The following EPB41L5 variants were observed in gnomAD, a reference collection of about 807,000 sequenced individuals.
The protein encoded by EPB41L5 is band 4.1-like protein 5.
In EPB41L5, 55 loss-of-function variants were observed where a neutral mutation model predicts 106.6. The observed-to-expected ratio is 0.52, with a 90% CI of 0.42 to 0.65. The LOEUF is 0.65. Ranked by LOEUF, EPB41L5 falls within the 30% of genes least tolerant of loss-of-function variation. EPB41L5 has a pLI of 0.00. For missense variants in EPB41L5, 871 were observed against 882.1 expected (o/e 0.99, Z 0.16); for synonymous variants, 297 against 306.7 (o/e 0.97, Z 0.33).
At chr2:120,142,239 C>G (rs1686207574) in intron 18 of EPB41L5, among the ~76,000 whole-genome samples, 1 of 151,674 alleles carries the variant, frequency 6.6e-6, no homozygotes, top group African/African-American at 2.4e-5. Context: ...CTTCATTATC[C>G]CCTTCCAGAC....
intron 24 of EPB41L5, among the ~76,000 whole-genome samples, chr2:120,171,516 C>T (rs1159096175): frequency 3.9e-5 from 6 of 152,212 alleles, no homozygotes; most frequent in Non-Finnish European, 5.9e-5. Context: ...AGACTGAACA[C>T]GGGAAGACTA....
chr2:120,164,794 T>C (rs199662386), intron 21 of EPB41L5, 42 bp from the exon 22 acceptor site: 19 of 1,422,808 alleles, frequency 1.3e-5, no homozygotes, highest in Non-Finnish European at 1.9e-5. Flanking sequence ...CATCTGATGA[T>C]AAAGGGGTCA....
In EPB41L5 at chr2:120,143,065, T is replaced by G; in HGVS notation, c.1662T>G (p.Asn554Lys). The G allele has an allele frequency of 2.5e-6, 4 of 1,612,408 alleles. No homozygotes were observed. The highest frequency in any genetic ancestry group is 2.5e-6 in the Non-Finnish European group (3 of 1,179,074). Residue 554 changes from asparagine (N) to lysine (K), a missense_variant, in exon 19 of 25, where the codon AAT becomes AAG. Coordinates refer to ENST00000263713, the MANE Select transcript of EPB41L5 (RefSeq NM_020909.4). Reference protein sequence around the residue: ...LNNVIESPGLNVMRVPPDFKS... With the variant: ...LNNVIESPGLKVMRVPPDFKS... ...ATGTCATTGAGAGCCCAGGATTGAA[T>G]GTCATGAGAGTTCCTCCTGACTTCA...
intron 18 of EPB41L5, among the ~76,000 whole-genome samples, chr2:120,139,249 C>CT: frequency 6.6e-6 from 1 of 151,938 alleles, no homozygotes; most frequent in East Asian, 1.9e-4. Context: ...GAGCAACTCT[C>CT]TAAAACATCA....
intron 3 of EPB41L5, among the ~76,000 whole-genome samples, chr2:120,054,498 G>GTTT (rs767149779): frequency 1.4e-5 from 2 of 141,282 alleles, no homozygotes; most frequent in East Asian, 2.1e-4. Context: ...TCTTCTAAAA[G>GTTT]TTTTTTTTTT....
intron 9 of EPB41L5, among the ~76,000 whole-genome samples, chr2:120,078,224 T>G (rs1020742685): frequency 6.6e-6 from 1 of 152,178 alleles, no homozygotes; most frequent in African/African-American, 2.4e-5. Context: ...TGGAAACAGC[T>G]TTGTTTGTAG....
chr2:120,162,821 C>T (rs1221563156), intron 21 of EPB41L5, among the ~76,000 whole-genome samples: 1 of 152,124 alleles, frequency 6.6e-6, no homozygotes, highest in Non-Finnish European at 1.5e-5. Context: ...TGTTATGGTG[C>T]ACTTAGTCCA....
Position 120,075,694 on chromosome 2 carries a change from G to A in EPB41L5, c.453-7G>A, listed in dbSNP as rs1440173228. On this transcript the variant is annotated splice_region_variant and splice_polypyrimidine_tract_variant and intron_variant, in intron 6 of 24. Transcript: ENST00000263713. ...ACTTGTCTAACAAACTTGTGTTTTG[G>A]TCTCAGATTAGACTGTCCCTTTGAT... 1.9e-6 allele frequency: 3 copies of A among 1,612,440 alleles called. No homozygotes were observed. The highest frequency in any genetic ancestry group is 2.5e-6 in the Non-Finnish European group (3 of 1,178,818).
chr2:120,148,873 C>G (rs1686532655), intron 20 of EPB41L5, among the ~76,000 whole-genome samples: 1 of 151,926 alleles, frequency 6.6e-6, no homozygotes, highest in East Asian at 1.9e-4. Flanking sequence ...TAGTATATAC[C>G]TAGGAGTAAC....
rs143715183 is a variant in EPB41L5 at position 120,019,108 on chromosome 2, A to G, written c.24A>G (p.Thr8=). Residue 8 remains threonine (T), a synonymous_variant, in exon 2 of 25, where the codon ACA becomes ACG. Coordinates refer to ENST00000263713, the MANE Select transcript of EPB41L5 (RefSeq NM_020909.4). ...AAATGCTGAGTTTCTTCCGTAGAAC[A>G]CTAGGGCGTCGGTCTATGCGTAAAC... MLSFFRR[T]LGRRSMRKHA... 3,596 of 1,610,300 alleles carry G rather than the reference A, an allele frequency of 2.2e-3. 7 individuals carry two copies. Among genetic ancestry groups the G allele is most frequent in the Non-Finnish European group, 2.8e-3 (3,352 of 1,179,262 alleles).
chr2:120,123,093 C>G (rs1034783041), intron 16 of EPB41L5, among the ~76,000 whole-genome samples: 3 of 152,074 alleles, frequency 2.0e-5, no homozygotes, highest in East Asian at 1.9e-4. Flanking sequence ...ATATGGTGGT[C>G]TGATTGTTGG....
At chr2:120,065,652 G>A (rs1036375181) in intron 3 of EPB41L5, among the ~76,000 whole-genome samples, 23 of 151,964 alleles carry the variant, frequency 1.5e-4, no homozygotes, top group Admixed American at 2.6e-4. Flanking sequence ...GAGTAGCTGG[G>A]ATTACAGGCG....
chr2:120,146,183 C>T (rs763733011), intron 19 of EPB41L5, 42 bp from the exon 20 acceptor site: 2 of 1,210,404 alleles, frequency 1.7e-6, no homozygotes, highest in Non-Finnish European at 2.4e-6. Flanking sequence ...ACTTTAGTAT[C>T]CTCAATAAAG....
intron 16 of EPB41L5, among the ~76,000 whole-genome samples, chr2:120,103,391 C>A (rs1356867266): frequency 6.6e-6 from 1 of 152,168 alleles, no homozygotes. Context: ...TAAACTACTT[C>A]TTGGAGAGGG....
chr2:120,018,430 A>G (rs1484609544), intron 1 of EPB41L5, among the ~76,000 whole-genome samples: 1 of 152,184 alleles, frequency 6.6e-6, no homozygotes, highest in Non-Finnish European at 1.5e-5. Flanking sequence ...ATGGTCCGGT[A>G]AATTTAGAAA....
rs138558057 is a variant in EPB41L5 at position 120,072,780 on chromosome 2, G to A, written c.286-398G>A. 1.5e-3 allele frequency among the ~76,000 whole-genome samples: 230 copies of A among 152,146 alleles called. 1 individual carries two copies. The highest frequency in any genetic ancestry group is 2.4e-3 in the Non-Finnish European group (164 of 67,962). On this transcript the variant is annotated intron_variant, in intron 3 of 24. Transcript: ENST00000263713. Reference sequence around the variant, plus strand: ...GAACATCACATACTGGCGCCTGTTGGGAGGGTGAGGGACTAGGGGAGGGAT... The same window carrying A: ...GAACATCACATACTGGCGCCTGTTGAGAGGGTGAGGGACTAGGGGAGGGAT...
At chr2:120,022,360 T>A (rs1574469675) in intron 2 of EPB41L5, among the ~76,000 whole-genome samples, 2 of 135,776 alleles carry the variant, frequency 1.5e-5, no homozygotes, top group South Asian at 5.5e-4. Context: ...CAGGCCCTGG[T>A]GTGTGATGTT....
chr2:120,176,296 T>C lies in EPB41L5; in HGVS notation c.*1389T>C, dbSNP rs113965060. 62 of 152,500 alleles carry C rather than the reference T, an allele frequency of 4.1e-4. No homozygotes were observed. Among genetic ancestry groups the C allele is most frequent in the African/African-American group, 1.4e-3 (59 of 41,576 alleles). The allele number at this position is 152,500 out of a possible 1,614,324, so 9.4% of individuals were successfully genotyped here. ...AAGCTATACCTCCTGGAATTTGCTT[T>C]CTAGTTTTCTGTCCTGCAATATGTA... On this transcript the variant is annotated 3_prime_UTR_variant, in exon 25 of 25. Coordinates refer to ENST00000263713, the MANE Select transcript of EPB41L5 (RefSeq NM_020909.4).
intron 12 of EPB41L5, among the ~76,000 whole-genome samples, chr2:120,091,168 T>TG (rs1683383343): frequency 6.6e-6 from 1 of 152,150 alleles, no homozygotes; most frequent in South Asian, 2.1e-4. Flanking sequence ...AAAAAACATT[T>TG]CTGGAAAATT....
Sources: gnomAD v4.1 joint callset for allele counts (sites outside exome capture counted in the v4.1 genomes callset) on GRCh38, gnomAD v4.1.1 for gene constraint, MANE v1.5 for transcripts, NCBI Gene and HGNC (gene_info 2026-07-23, HGNC 2026-07-21) for gene names.